Variants in PIP4K2A observed in about 807,000 individuals in gnomAD.
The protein encoded by PIP4K2A is phosphatidylinositol 5-phosphate 4-kinase type-2 alpha.
A neutral mutation model predicts 42.9 loss-of-function variants in PIP4K2A; 14 were observed. The observed-to-expected ratio is 0.33, with a 90% CI of 0.22 to 0.51. The LOEUF is 0.51. Among genes scored for constraint, PIP4K2A ranks in the 20% least tolerant of loss-of-function variants. The pLI is 0.97. For synonymous variants in PIP4K2A, 192 were observed against 192.2 expected (o/e 1.00, Z 0.01); for missense variants, 434 against 519.8 (o/e 0.83, Z 1.61).
chr10:22,711,888 ATATAG>A (rs1293649533), intron 1 of PIP4K2A, among the ~76,000 whole-genome samples: 7 of 152,320 alleles, frequency 4.6e-5, no homozygotes, highest in South Asian at 4.1e-4. Context: ...TTCAAAAATA[ATATAG>A]TAAAGAAAAT....
At chr10:22,553,866 C>A (rs147532908) in intron 6 of PIP4K2A, among the ~76,000 whole-genome samples, 1 of 145,168 alleles carries the variant, frequency 6.9e-6, no homozygotes, top group Non-Finnish European at 1.5e-5. Context: ...CTGGGCGTGG[C>A]GGCTCACACC....
intron 7 of PIP4K2A, among the ~76,000 whole-genome samples, chr10:22,544,771 G>C (rs2130748301): frequency 6.6e-6 from 1 of 152,302 alleles, no homozygotes. Flanking sequence ...TGGCCCAGGA[G>C]GCCTGGAGAG....
chr10:22,646,997 C>T (rs1445904109), intron 1 of PIP4K2A, among the ~76,000 whole-genome samples: 6 of 152,100 alleles, frequency 3.9e-5, no homozygotes, highest in Admixed American at 2.0e-4. Context: ...ACTAGGCTGT[C>T]AACCTGGCTG....
At position 22,541,988 on chromosome 10, in the gene PIP4K2A, C is replaced by A; in HGVS notation, c.852G>T (p.Glu284Asp). 5.0e-6 allele frequency: 8 copies of A among 1,614,124 alleles called. No individual in the cohort carries two copies. Among genetic ancestry groups the A allele is most frequent in the Non-Finnish European group, 5.9e-6 (7 of 1,179,992 alleles). The change falls in exon 8 of 10, where the codon GAG (glutamate) becomes GAT (aspartate). Residue 284 changes from glutamate to aspartate, a missense_variant. By Grantham distance (45) the Glu-to-Asp change is conservative. Coordinates refer to ENST00000376573, the MANE Select transcript of PIP4K2A (RefSeq NM_005028.5). ...YSLLVGIHDVERAEQEEVECE... is the reference protein window; with the variant it reads ...YSLLVGIHDVDRAEQEEVECE... ...ACTCCACTTCCTCCTGTTCGGCTCT[C>A]TCCACATCATGAATTCCCACCAGCA...
At chr10:22,673,733 C>A (rs1005021391) in intron 1 of PIP4K2A, among the ~76,000 whole-genome samples, 2 of 152,232 alleles carry the variant, frequency 1.3e-5, no homozygotes, top group Admixed American at 1.3e-4. Flanking sequence ...CCCAACACAG[C>A]CAATAATAAA....
rs183845488 is a variant in PIP4K2A, at chr10:22,630,661, T to C, written c.145-20944A>G. Among the ~76,000 whole-genome samples, 14 of 152,328 alleles carry C rather than the reference T, an allele frequency of 9.2e-5. No homozygotes were observed. The East Asian group carries it at 2.3e-3, about 25-fold the overall frequency. ...CTGTTTTTAGACATTAGCAAATATATGATTATCAGCAAAACTTCAGAATGA... is the reference window on the plus strand; with the variant it reads ...CTGTTTTTAGACATTAGCAAATATACGATTATCAGCAAAACTTCAGAATGA... On this transcript the variant is annotated intron_variant, in intron 1 of 9. Transcript: ENST00000376573.
At chr10:22,632,399 A>G (rs570750889) in intron 1 of PIP4K2A, among the ~76,000 whole-genome samples, 1 of 152,364 alleles carries the variant, frequency 6.6e-6, no homozygotes, top group African/African-American at 2.4e-5. Context: ...AAATGAAAAT[A>G]AAAACAAACA....
Position 22,714,372 on chromosome 10 carries a change from G to A in PIP4K2A, c.-46C>T, listed in dbSNP as rs1218286426. ...CCACCGCCGTGCTCCCGAGGCCGGG[G>A]ACCCGCCCTCTCTACACCCCGGCCC... On this transcript the variant is annotated 5_prime_UTR_variant, in exon 1 of 10. Transcript: ENST00000376573. 2.0e-6 allele frequency: 3 copies of A among 1,465,642 alleles called. No individual in the cohort carries two copies. Among genetic ancestry groups the A allele is most frequent in the Non-Finnish European group, 2.7e-6 (3 of 1,100,212 alleles). 90.8% of individuals were successfully genotyped at this position (1,465,642 alleles called of 1,614,324 possible).
intron 3 of PIP4K2A, among the ~76,000 whole-genome samples, chr10:22,598,336 TGACA>T (rs1224656984): frequency 5.3e-5 from 8 of 152,164 alleles, no homozygotes; most frequent in African/African-American, 1.2e-4. Flanking sequence ...CCAGCCTAGT[TGACA>T]GACAGAGACT....
At chr10:22,625,920 T>C (rs1468589001) in intron 1 of PIP4K2A, among the ~76,000 whole-genome samples, 1 of 152,188 alleles carries the variant, frequency 6.6e-6, no homozygotes, top group Non-Finnish European at 1.5e-5. Flanking sequence ...TTCTTATCTC[T>C]TGGGTCACAA....
chr10:22,572,736 C>T (rs1564425994), intron 5 of PIP4K2A, among the ~76,000 whole-genome samples: 1 of 152,164 alleles, frequency 6.6e-6, no homozygotes, highest in Non-Finnish European at 1.5e-5. Flanking sequence ...GATTATGTCA[C>T]TCCACTCTCA....
chr10:22,538,805 G>C (rs539581246), intron 9 of PIP4K2A, among the ~76,000 whole-genome samples: 1 of 78,924 alleles, frequency 1.3e-5, no homozygotes, highest in Non-Finnish European at 3.0e-5. Context: ...GCTCGGGGGC[G>C]GTGAGGTCCC....
chr10:22,621,854 T>C (rs970058434), intron 1 of PIP4K2A, among the ~76,000 whole-genome samples: 1 of 152,240 alleles, frequency 6.6e-6, no homozygotes, highest in African/African-American at 2.4e-5. Context: ...GAAATCCTAA[T>C]TCTGTTACAC....
chr10:22,652,956 T>C (rs1459941390), intron 1 of PIP4K2A, among the ~76,000 whole-genome samples: 1 of 151,806 alleles, frequency 6.6e-6, no homozygotes, highest in African/African-American at 2.4e-5. Context: ...AAGCTGAGAG[T>C]GGTGGTACAC....
chr10:22,703,902 C>T (rs1372141872), intron 1 of PIP4K2A, among the ~76,000 whole-genome samples: 1 of 152,118 alleles, frequency 6.6e-6, no homozygotes, highest in Non-Finnish European at 1.5e-5. Context: ...TACGTTTAAG[C>T]TTGAGCACCT....
At chr10:22,560,469 G>C (rs143383108) in intron 6 of PIP4K2A, among the ~76,000 whole-genome samples, 1 of 152,196 alleles carries the variant, frequency 6.6e-6, no homozygotes, top group Non-Finnish European at 1.5e-5. Flanking sequence ...ATTTTTAGAC[G>C]TAAGGGTATT....
At chr10:22,686,538 G>A (rs1044540960) in intron 1 of PIP4K2A, among the ~76,000 whole-genome samples, 1 of 152,142 alleles carries the variant, frequency 6.6e-6, no homozygotes, top group African/African-American at 2.4e-5. Context: ...GTGCAGTGTT[G>A]CAATCAAAGC....
chr10:22,536,714 C>CAAAAAAAAAAAA lies in PIP4K2A; in HGVS notation c.*475_*486dup, dbSNP rs777075795. 2 of 53,972 alleles carry CAAAAAAAAAAAA rather than the reference C, an allele frequency of 3.7e-5. No individual in the cohort carries two copies. Among genetic ancestry groups the CAAAAAAAAAAAA allele is most frequent in the African/African-American group, 1.2e-4 (2 of 16,018 alleles). 3.3% of individuals were successfully genotyped at this position (53,972 alleles called of 1,614,324 possible). On this transcript the variant is annotated 3_prime_UTR_variant, in exon 10 of 10. Coordinates refer to ENST00000376573, the MANE Select transcript of PIP4K2A (RefSeq NM_005028.5). ...AATACTGTCTCACATCTTTCAACTC[C>CAAAAAAAAAAAA]AAAAAAAAAAAAAAAAAAAAAAAAC...
intron 3 of PIP4K2A, among the ~76,000 whole-genome samples, chr10:22,596,853 G>A (rs1005887219): frequency 2.6e-5 from 4 of 152,226 alleles, no homozygotes; most frequent in African/African-American, 7.2e-5. Context: ...GGCCCTGCAG[G>A]GGCCCTGCCC....
Sources: allele counts gnomAD v4.1 joint callset (sites outside exome capture counted in the v4.1 genomes callset), GRCh38; gene constraint gnomAD v4.1.1; transcripts MANE v1.5; gene names NCBI Gene and HGNC (gene_info 2026-07-23, HGNC 2026-07-21).